The following NLRP12 variants were observed in gnomAD, a reference collection of about 807,000 sequenced individuals.
NLRP12 encodes the protein NLR family pyrin domain containing 12.
A neutral mutation model predicts 91.2 loss-of-function variants in NLRP12; 108 were observed. The ratio of observed to expected loss-of-function variants is 1.18; its 90% confidence interval spans 1.01 to 1.39. The LOEUF (loss-of-function observed/expected upper bound fraction) is 1.39. Among genes scored for constraint, NLRP12 ranks in the 40% most tolerant of loss-of-function variants. The pLI is 0.00. For synonymous variants in NLRP12, 613 were observed against 566.7 expected, an observed-to-expected ratio of 1.08 and a Z score of -1.16; for missense variants, 1,530 against 1,352.7, an observed-to-expected ratio of 1.13 and a Z score of -2.06.
In NLRP12 at chr19:53,824,015, G is replaced by A; in HGVS notation, c.160C>T (p.Leu54=). The A allele has an allele frequency of 2.5e-6, 4 of 1,614,176 alleles. No individual in the cohort carries two copies. Among genetic ancestry groups the A allele is most frequent in the Non-Finnish European group, 3.4e-6 (4 of 1,180,036 alleles). The change falls in exon 1 of 10, where the codon CTG becomes TTG. Residue 54 remains leucine (L), a synonymous_variant. Coordinates refer to ENST00000324134, the MANE Select transcript of NLRP12 (RefSeq NM_144687.4). The part of the protein sequence containing the change: ...PWGSMEKAGP[L]EMAQLLITHF... ...GTGATGAGCAGCTGGGCCATTTCCA[G>A]GGGACCGGCCTTCTCCATGCTTCCC...
chr19:53,811,362 C>T lies in NLRP12; in HGVS notation c.371-74G>A, dbSNP rs2092073590. On this transcript the variant is annotated intron_variant, in intron 2 of 9. Transcript: ENST00000324134. ...AATGAGTTCACGAGGTAAAGCGCTC[C>T]TCATGTGGCTCAAAGAAGGTGTGTG... 3.2e-6 allele frequency: 5 copies of T among 1,542,206 alleles called. No homozygotes were observed. In the South Asian group the frequency reaches 4.5e-5, roughly 14 times the overall value.
At position 53,810,309 on chromosome 19, in the gene NLRP12, C is replaced by T. The variant is rs555586746; in HGVS notation, c.1350G>A (p.Pro450=). The T allele has an allele frequency of 1.1e-5, 17 of 1,613,728 alleles. No individual in the cohort carries two copies. In the East Asian group the frequency reaches 1.8e-4, roughly 17 times the overall value. ...TCTGGTTGGGTGGGGGCTGGAGGCG[C>T]GGGGCCCCCGGCTTGGGTTGCATCA... ...LSLMQPKPGA[P]RLQPPPNQRG... Residue 450 remains proline (P), a synonymous_variant, in exon 3 of 10, where the codon CCG becomes CCA. Transcript: ENST00000324134.
rs1325684119 is a variant in NLRP12, at chr19:53,803,987, TC to T, written c.2549del (p.Gly850AspfsTer2). On this transcript the variant is annotated frameshift_variant, in exon 6 of 10. Transcript: ENST00000324134. LOFTEE classifies it high-confidence loss of function. ...EDLGLRLLCQ[G>X]LRHPVCRLRT... ...GTAGTCTGCAGACTGGGTGCCTCAG[TC>T]CCTGGCATAGTAACCTCAGGCCCAA... The T allele has an allele frequency of 9.3e-6, 15 of 1,614,110 alleles. No homozygotes were observed. The highest frequency in any genetic ancestry group is 1.3e-5 in the Non-Finnish European group (15 of 1,180,014).
chr19:53,794,163 C>G, intron 9 of NLRP12, 27 bp from the exon 10 acceptor site: 1 of 1,433,998 alleles, frequency 7.0e-7, no homozygotes, highest in Non-Finnish European at 9.8e-7. Flanking sequence ...TGATATTATT[C>G]CAGTGTACTA....
Position 53,810,996 on chromosome 19 carries a change from T to TA in NLRP12, c.662dup (p.Gly222ArgfsTer24). ...CCTTGTGTGCCAGCATGGACTTGCC[T>TA]ATCCCTGCCGCGCCTTGCATGACCA... On this transcript the variant is annotated frameshift_variant, in exon 3 of 10. Transcript: ENST00000324134. LOFTEE classifies it high-confidence loss of function. The TA allele has an allele frequency of 6.2e-7, 1 of 1,614,132 alleles. No individual in the cohort carries two copies. The highest frequency in any genetic ancestry group is 8.5e-7 in the Non-Finnish European group (1 of 1,179,984).
Position 53,803,964 on chromosome 19 carries a change from A to C in NLRP12, c.2573T>G (p.Leu858Arg), listed in dbSNP as rs199829062. ...CQGLRHPVCRLRTLWLKICRL... is the reference protein window; with the variant it reads ...CQGLRHPVCRRRTLWLKICRL... ...AGGAAGAACTCACCACAAAGTCCGT[A>C]GTCTGCAGACTGGGTGCCTCAGTCC... Residue 858 changes from leucine to arginine, a missense_variant, in exon 6 of 10, where the codon CTA becomes CGA. Coordinates refer to ENST00000324134, the MANE Select transcript of NLRP12 (RefSeq NM_144687.4). The C allele has an allele frequency of 6.2e-7, 1 of 1,614,134 alleles. No homozygotes were observed. The highest frequency in any genetic ancestry group is 2.2e-5 in the East Asian group (1 of 44,872).
chr19:53,794,947 T>G (rs55808107), intron 9 of NLRP12, among the ~76,000 whole-genome samples: 18,606 of 152,030 alleles, frequency 0.12, 1,410 homozygotes, highest in South Asian at 0.17. Flanking sequence ...GTGATTTGCC[T>G]GCCTTGGCCT....
chr19:53,817,482 T>A (rs2092179719), intron 1 of NLRP12, among the ~76,000 whole-genome samples: 1 of 151,688 alleles, frequency 6.6e-6, no homozygotes, highest in Non-Finnish European at 1.5e-5. Flanking sequence ...ATGCCTGTAA[T>A]CCCTGCACTT....
At chr19:53,805,518 T>G in intron 4 of NLRP12, 68 bp from the exon 5 acceptor site, 1 of 1,438,772 alleles carries the variant, frequency 7.0e-7, no homozygotes, top group Non-Finnish European at 9.2e-7. Context: ...TTATTTTCTT[T>G]TGCTTTTTTT....
intron 1 of NLRP12, among the ~76,000 whole-genome samples, chr19:53,819,410 AATATATATATATATATATATATAT>A (rs754512228): frequency 0.01 from 247 of 23,670 alleles, 26 homozygotes; most frequent in Middle Eastern, 0.038. Context: ...ACGCCTGGCT[AATATATATATATATATATATATAT>A]ATATATATAT....
upstream of NLRP12, chr19:53,824,368 C>T (rs897272829): frequency 3.3e-6 from 2 of 613,186 alleles, no homozygotes; most frequent in Non-Finnish European, 5.8e-6. Flanking sequence ...CTCTTCAGTT[C>T]CCTCCTGCCC....
rs200559837 is a variant in NLRP12 at position 53,807,636 on chromosome 19, T to C, written c.2102A>G (p.Tyr701Cys). 2.5e-6 allele frequency: 4 copies of C among 1,614,198 alleles called. No homozygotes were observed. The highest frequency in any genetic ancestry group is 3.4e-6 in the Non-Finnish European group (4 of 1,180,046). ...LPERTVLLDA[Y>C]SEHLAAALCT... Reference sequence around the variant, plus strand: ...CAGGGCCGCTGCCAGATGTTCACTGTAGGCGTCCAGCAGAACGGTCCTCTC... The same window carrying C: ...CAGGGCCGCTGCCAGATGTTCACTGCAGGCGTCCAGCAGAACGGTCCTCTC... Residue 701 changes from tyrosine to cysteine, a missense_variant, in exon 4 of 10, where the codon TAC becomes TGC. By Grantham distance (194) the Tyr-to-Cys change is radical. Coordinates refer to ENST00000324134, the MANE Select transcript of NLRP12 (RefSeq NM_144687.4).
intron 3 of NLRP12, chr19:53,808,733 C>A (rs748572377): frequency 4.5e-4 from 68 of 152,160 alleles, no homozygotes; most frequent in Admixed American, 4.1e-3. Context: ...TGAATAAATT[C>A]TCCCAGACAT....
rs1324521711 is a variant in NLRP12, at chr19:53,811,115, C to T, written c.544G>A (p.Gly182Arg). The T allele has an allele frequency of 6.2e-7, 1 of 1,614,046 alleles. No individual in the cohort carries two copies. The highest frequency in any genetic ancestry group is 8.5e-7 in the Non-Finnish European group (1 of 1,180,010). Residue 182 changes from glycine to arginine, a missense_variant, in exon 3 of 10, where the codon GGA becomes AGA. Gly to Arg is a moderately radical substitution (Grantham distance 125). Transcript: ENST00000324134. ...TGGTGTCCCACGGTCCTCGCGTGTC[C>T]CCGGCCTGTGTCCAGAAGCTGCTGC... is the stretch of plus-strand genomic sequence containing the variant. ...VQQQLLDTGR[G>R]HARTVGHQAS...
chr19:53,810,780 G>A lies in NLRP12; in HGVS notation c.879C>T (p.Ile293=), dbSNP rs771887223. Residue 293 remains isoleucine, a synonymous_variant, in exon 3 of 10, where the codon ATC becomes ATT. Coordinates refer to ENST00000324134, the MANE Select transcript of NLRP12 (RefSeq NM_144687.4). ...IRVPERLLFI[I]DGFDELKPSF... ...AAGGCTTGAGCTCATCGAAGCCGTCGATGATGAAAAGGAGGCGCTCGGGAA... is the reference window on the plus strand; with the variant it reads ...AAGGCTTGAGCTCATCGAAGCCGTCAATGATGAAAAGGAGGCGCTCGGGAA... The A allele has an allele frequency of 6.2e-6, 10 of 1,613,994 alleles. No homozygotes were observed. Among genetic ancestry groups the A allele is most frequent in the African/African-American group, 4.0e-5 (3 of 74,944 alleles).
intron 9 of NLRP12, 28 bp downstream of exon 9, chr19:53,795,831 C>G: frequency 6.2e-7 from 1 of 1,611,844 alleles, no homozygotes; most frequent in Non-Finnish European, 8.5e-7. Flanking sequence ...CCAGCCTCCT[C>G]CAGAAAGAAC....
Position 53,793,861 on chromosome 19 carries a change from A to G in NLRP12, c.*188T>C, listed in dbSNP as rs1281309609. ...CGGCCTCTCGAAGTGCTAGGATTACATACATGAGCCACCACGCCTGGCCAG... is the reference window on the plus strand; with the variant it reads ...CGGCCTCTCGAAGTGCTAGGATTACGTACATGAGCCACCACGCCTGGCCAG... On this transcript the variant is annotated 3_prime_UTR_variant, in exon 10 of 10. Transcript: ENST00000324134. The G allele has an allele frequency of 7.4e-6, 5 of 678,148 alleles. No homozygotes were observed. In the Admixed American group the frequency reaches 8.3e-5, roughly 11 times the overall value. The allele number at this position is 678,148 out of a possible 1,614,324, so 42.0% of individuals were successfully genotyped here. A position where few individuals can be genotyped will look rare whatever the true frequency, so the allele number is the denominator to read the frequency against.
intron 1 of NLRP12, among the ~76,000 whole-genome samples, chr19:53,818,978 CAGAA>C (rs2092205487): frequency 6.6e-6 from 1 of 152,118 alleles, no homozygotes; most frequent in South Asian, 2.1e-4. Flanking sequence ...ATCACACAGA[CAGAA>C]AGAGCAAAGC....
chr19:53,799,318 G>A (rs1179320401), intron 7 of NLRP12, among the ~76,000 whole-genome samples: 2 of 151,756 alleles, frequency 1.3e-5, no homozygotes, highest in Non-Finnish European at 2.9e-5. Context: ...CCGCGTGTGT[G>A]ATTTTTTGTT....
Sources: allele counts gnomAD v4.1 joint callset (sites outside exome capture counted in the v4.1 genomes callset), GRCh38; gene constraint gnomAD v4.1.1; transcripts MANE v1.5; gene names NCBI Gene and HGNC (gene_info 2026-07-23, HGNC 2026-07-21).